COL7A1: variants seen among roughly 807,000 people sequenced by gnomAD.
COL7A1 encodes the protein collagen alpha-1(VII) chain.
COL7A1 carries 296 observed loss-of-function variants against 456.2 expected under a neutral mutation model. That is an observed-to-expected ratio of 0.65 (90% CI 0.59 to 0.71). COL7A1 has a LOEUF of 0.71. COL7A1 is among the 30% of genes least tolerant of loss of function. The probability of loss-of-function intolerance (pLI) is 0.00; values close to 1 mark genes in which losing one functional copy is unlikely to be tolerated. For missense variants in COL7A1, 3,441 were observed against 4,017.2 expected, an observed-to-expected ratio of 0.86 and a Z score of 3.88; for synonymous variants, 1,464 against 1,525.9, an observed-to-expected ratio of 0.96 and a Z score of 0.95.
rs1394890984 is a variant in COL7A1 at position 48,592,256 on chromosome 3, G to A, written c.1094-8C>T. On this transcript the variant is annotated splice_region_variant and splice_polypyrimidine_tract_variant and intron_variant, in intron 9 of 118. Coordinates refer to ENST00000681320, the MANE Select transcript of COL7A1 (RefSeq NM_000094.4). The surrounding 1 kb of genome is among the most constrained non-coding windows in gnomAD (Gnocchi z 7.6). ...GCTGCTGTGTGGGCCCACCTGCATGGGGGACACCAAGGGGCCAGTGGGCCT... is the reference window on the plus strand; with the variant it reads ...GCTGCTGTGTGGGCCCACCTGCATGAGGGACACCAAGGGGCCAGTGGGCCT... 1.2e-6 allele frequency: 2 copies of A among 1,613,634 alleles called. No individual in the cohort carries two copies. The highest frequency in any genetic ancestry group is 2.7e-5 in the African/African-American group (2 of 74,850).
At position 48,579,162 on chromosome 3, in the gene COL7A1, G is replaced by A. The variant is rs764118586; in HGVS notation, c.5388+35C>T. 6 of 1,609,446 alleles carry A rather than the reference G, an allele frequency of 3.7e-6. No individual in the cohort carries two copies. The South Asian group carries it at 6.6e-5, about 18-fold the overall frequency. On this transcript the variant is annotated intron_variant, in intron 62 of 118. Transcript: ENST00000681320. This position sits in a 1 kb window ranked among gnomAD's most constrained non-coding sequence, Gnocchi z 4.4. ...AGGGTCCTCATGTGAAGGGGTAGGG[G>A]AAGGGGACAACCAGGCAGGACTACC...
chr3:48,584,585 T>C, intron 35 of COL7A1, 29 bp from the exon 36 acceptor site: 1 of 1,613,896 alleles, frequency 6.2e-7, no homozygotes, highest in Admixed American at 1.7e-5. Context: ...GTGGGCAGGA[T>C]TCAGGCTATG....
Position 48,583,331 on chromosome 3 carries a change from C to G in COL7A1, c.4437+62G>C, listed in dbSNP as rs2044922948. The G allele has an allele frequency of 6.2e-7, 1 of 1,612,874 alleles. No individual in the cohort carries two copies. Among genetic ancestry groups the G allele is most frequent in the South Asian group, 1.1e-5 (1 of 91,020 alleles). On this transcript the variant is annotated intron_variant, in intron 42 of 118. Transcript: ENST00000681320. The surrounding 1 kb of genome is among the most constrained non-coding windows in gnomAD (Gnocchi z 5.1). ...TTATCTCCTTATCTTCCAGCCTCCC[C>G]TAACACCATGGGGAGCCCAGAGTAG...
Position 48,569,849 on chromosome 3 carries a change from A to AC in COL7A1, c.7521+30dup. 6.2e-7 allele frequency: 1 copy of AC among 1,613,624 alleles called. No individual in the cohort carries two copies. The highest frequency in any genetic ancestry group is 1.1e-5 in the South Asian group (1 of 91,056). ...TCATACAAGATCCACTCACCCCCCC[A>AC]CTCATGCCAGGACCTTCCCCACGTT... is the stretch of plus-strand genomic sequence containing the variant. On this transcript the variant is annotated intron_variant, in intron 100 of 118. Coordinates refer to ENST00000681320, the MANE Select transcript of COL7A1 (RefSeq NM_000094.4). The surrounding 1 kb of genome is among the most constrained non-coding windows in gnomAD (Gnocchi z 4.9).
rs1483179702 is a variant in COL7A1, at chr3:48,575,117, C to T, written c.6226G>A (p.Gly2076Ser). The T allele has an allele frequency of 6.2e-7, 1 of 1,613,580 alleles. No individual in the cohort carries two copies. Among genetic ancestry groups the T allele is most frequent in the Non-Finnish European group, 8.5e-7 (1 of 1,179,850 alleles). ...KGERGEQGRD[G>S]PPGLPGTPGP... Reference sequence around the variant, plus strand: ...GGGGTTCCAGGGAGTCCAGGAGGGCCATCTCTGCCCTGCAGGAAACAAGAA... The same window carrying T: ...GGGGTTCCAGGGAGTCCAGGAGGGCTATCTCTGCCCTGCAGGAAACAAGAA... The change falls in exon 76 of 119, where the codon GGC (glycine) becomes AGC (serine). Residue 2076 changes from glycine (G) to serine (S), a missense_variant. Coordinates refer to ENST00000681320, the MANE Select transcript of COL7A1 (RefSeq NM_000094.4). The surrounding 1 kb of genome is among the most constrained non-coding windows in gnomAD (Gnocchi z 6.3).
At position 48,567,548 on chromosome 3, in the gene COL7A1, A is replaced by T; in HGVS notation, c.8046+26T>A. The T allele has an allele frequency of 6.2e-7, 1 of 1,613,982 alleles. No homozygotes were observed. The highest frequency in any genetic ancestry group is 8.5e-7 in the Non-Finnish European group (1 of 1,179,948). Reference sequence around the variant, plus strand: ...CCCTGCCCCATCCTGACTCCCTGTCATGTCCACTGTCCACAGACCCTGTAC... The same window carrying T: ...CCCTGCCCCATCCTGACTCCCTGTCTTGTCCACTGTCCACAGACCCTGTAC... On this transcript the variant is annotated intron_variant, in intron 109 of 118. Transcript: ENST00000681320. The surrounding 1 kb of genome is among the most constrained non-coding windows in gnomAD (Gnocchi z 4.3).
intron 17 of COL7A1, 61 bp downstream of exon 17, chr3:48,589,538 C>G: frequency 2.5e-6 from 4 of 1,612,468 alleles, no homozygotes; most frequent in Non-Finnish European, 3.4e-6. Flanking sequence ...ACCTGGACCC[C>G]CAATAAACCC....
chr3:48,568,241 T>C lies in COL7A1; in HGVS notation c.7795-71A>G. On this transcript the variant is annotated intron_variant, in intron 105 of 118. Coordinates refer to ENST00000681320, the MANE Select transcript of COL7A1 (RefSeq NM_000094.4). This position sits in a 1 kb window ranked among gnomAD's most constrained non-coding sequence, Gnocchi z 5.2. ...GACCAAAGAGAATCGCCCTGGATAG[T>C]GGGTAGGGAACACCATGGGGTGGGA... 3.2e-6 allele frequency: 5 copies of C among 1,545,724 alleles called. No individual in the cohort carries two copies. The South Asian group carries it at 5.6e-5, about 17-fold the overall frequency.
Position 48,587,773 on chromosome 3 carries a change from C to A in COL7A1, c.2857+20G>T. ...GGGTCATCAGCAGGGGAGGAGCACG[C>A]CAAGGTGAGGCAGGCTTACCAGTGC... On this transcript the variant is annotated intron_variant, in intron 22 of 118. Transcript: ENST00000681320. The surrounding 1 kb of genome is among the most constrained non-coding windows in gnomAD (Gnocchi z 6.1). 1 of 1,613,440 alleles carries A rather than the reference C, an allele frequency of 6.2e-7. No homozygotes were observed.
intron 18 of COL7A1, 152 bp downstream of exon 18, chr3:48,589,175 A>T: frequency 6.9e-7 from 1 of 1,450,790 alleles, no homozygotes; most frequent in Non-Finnish European, 9.5e-7. Flanking sequence ...CCAGGAGGTC[A>T]CCGTGGGTGG....
rs757772499 is a variant in COL7A1 at position 48,593,312 on chromosome 3, G to A, written c.520+44C>T. On this transcript the variant is annotated intron_variant, in intron 5 of 118. Transcript: ENST00000681320. This position sits in a 1 kb window ranked among gnomAD's most constrained non-coding sequence, Gnocchi z 4.4. Reference sequence around the variant, plus strand: ...TCAGTCACCCACATGCTCTCTGACTGCCCCCACCCCCCAGCTGACCTGTCA... The same window carrying A: ...TCAGTCACCCACATGCTCTCTGACTACCCCCACCCCCCAGCTGACCTGTCA... 3 of 1,613,850 alleles carry A rather than the reference G, an allele frequency of 1.9e-6. No individual in the cohort carries two copies. In the East Asian group the frequency reaches 6.7e-5, roughly 36 times the overall value.
Position 48,569,280 on chromosome 3 carries a change from G to T in COL7A1, c.7686+95C>A. ...ACCCCTTCCCCCTAAACCCCAGAAA[G>T]CCTCCTCCTGTCCTCCCCTCCTGCC... On this transcript the variant is annotated intron_variant, in intron 103 of 118. Transcript: ENST00000681320. The surrounding 1 kb of genome is among the most constrained non-coding windows in gnomAD (Gnocchi z 4.9). 2.1e-6 allele frequency: 3 copies of T among 1,460,902 alleles called. No homozygotes were observed. Among genetic ancestry groups the T allele is most frequent in the East Asian group, 4.5e-5 (2 of 44,088 alleles). The allele number at this position is 1,460,902 out of a possible 1,614,324, so 90.5% of individuals were successfully genotyped here.
rs779875751 is a variant in COL7A1 at position 48,571,996 on chromosome 3, C to T, written c.7068+5G>A. 17 of 1,612,260 alleles carry T rather than the reference C, an allele frequency of 1.1e-5. No homozygotes were observed. The highest frequency in any genetic ancestry group is 1.4e-5 in the Non-Finnish European group (17 of 1,179,390). On this transcript the variant is annotated splice_donor_5th_base_variant and intron_variant, in intron 92 of 118. Coordinates refer to ENST00000681320, the MANE Select transcript of COL7A1 (RefSeq NM_000094.4). This position sits in a 1 kb window ranked among gnomAD's most constrained non-coding sequence, Gnocchi z 4.6. ...GGCTCGCCCTTGCCTAGGCCCCGGA[C>T]TCACATCTTCCCCAGGGTCTCCGGG...
In COL7A1 at chr3:48,582,193, G is replaced by A. The variant is rs1036208365; in HGVS notation, c.4635+130C>T. On this transcript the variant is annotated intron_variant, in intron 47 of 118. Transcript: ENST00000681320. ...AGTCTGGGGGCAGGTTCTAGCAGAA[G>A]GAGAGCCGCAGAGCTCCCAGCCTGC... 7 of 1,535,526 alleles carry A rather than the reference G, an allele frequency of 4.6e-6. No homozygotes were observed. In the African/African-American group the frequency reaches 8.2e-5, roughly 18 times the overall value.
At position 48,583,388 on chromosome 3, in the gene COL7A1, C is replaced by T. The variant is rs886058639; in HGVS notation, c.4437+5G>A. 1 of 1,614,126 alleles carries T rather than the reference C, an allele frequency of 6.2e-7. No homozygotes were observed. The highest frequency in any genetic ancestry group is 8.5e-7 in the Non-Finnish European group (1 of 1,179,974). On this transcript the variant is annotated splice_donor_5th_base_variant and intron_variant, in intron 42 of 118. Transcript: ENST00000681320. The surrounding 1 kb of genome is among the most constrained non-coding windows in gnomAD (Gnocchi z 5.1). ...TCACACCTGAATCCCCCAACTGGTA[C>T]TCACTTTGGGGCCAATAGCTCCAGG... is the stretch of plus-strand genomic sequence containing the variant.
intron 65 of COL7A1, 52 bp from the exon 66 acceptor site, chr3:48,577,079 A>C: frequency 6.2e-7 from 1 of 1,601,860 alleles, no homozygotes; most frequent in Non-Finnish European, 8.6e-7. Context: ...GTCTGGCTGC[A>C]AGACACTACC....
In COL7A1 at chr3:48,571,790, G is replaced by C; in HGVS notation, c.7068+211C>G. The C allele has an allele frequency of 1.5e-6, 1 of 653,286 alleles. No individual in the cohort carries two copies. The highest frequency in any genetic ancestry group is 2.7e-6 in the Non-Finnish European group (1 of 366,548). The allele number at this position is 653,286 out of a possible 1,614,324, so 40.5% of individuals were successfully genotyped here. On this transcript the variant is annotated intron_variant, in intron 92 of 118. Coordinates refer to ENST00000681320, the MANE Select transcript of COL7A1 (RefSeq NM_000094.4). The surrounding 1 kb of genome is among the most constrained non-coding windows in gnomAD (Gnocchi z 4.6). Reference sequence around the variant, plus strand: ...GTGGTGAGAAACAGACCAAGGATGGGCACACAGAAGCCAAGACAGGGCCCC... The same window carrying C: ...GTGGTGAGAAACAGACCAAGGATGGCCACACAGAAGCCAAGACAGGGCCCC...
chr3:48,588,450 C>T lies in COL7A1; in HGVS notation c.2588-46G>A, dbSNP rs761015877. On this transcript the variant is annotated intron_variant, in intron 20 of 118. Transcript: ENST00000681320. The surrounding 1 kb of genome is among the most constrained non-coding windows in gnomAD (Gnocchi z 4.6). ...TCAGGGAGGCTCTGCCCCCATGGCC[C>T]CTGCACCAATCCCAGGCCCACCCTG... The T allele has an allele frequency of 8.1e-6, 13 of 1,600,188 alleles. No individual in the cohort carries two copies. The highest frequency in any genetic ancestry group is 9.3e-6 in the Non-Finnish European group (11 of 1,178,308).
At position 48,592,574 on chromosome 3, in the gene COL7A1, C is replaced by T; in HGVS notation, c.972G>A (p.Arg324=). 1 of 1,613,884 alleles carries T rather than the reference C, an allele frequency of 6.2e-7. No individual in the cohort carries two copies. The highest frequency in any genetic ancestry group is 2.2e-5 in the East Asian group (1 of 44,852). Residue 324 remains arginine (R), a synonymous_variant, in exon 8 of 119, where the codon CGG becomes CGA. Coordinates refer to ENST00000681320, the MANE Select transcript of COL7A1 (RefSeq NM_000094.4). The surrounding 1 kb of genome is among the most constrained non-coding windows in gnomAD (Gnocchi z 7.6). ...SIGEAVSGTA[R]TTALEGPELT... is the part of the protein sequence containing the mutation. ...GAGGCTGGCAGAATTGCTCACTGGTCCGAGCTGTCCCGCTCACAGCCTCCC... is the reference window on the plus strand; with the variant it reads ...GAGGCTGGCAGAATTGCTCACTGGTTCGAGCTGTCCCGCTCACAGCCTCCC...
Sources: gnomAD v4.1 joint callset for allele counts on GRCh38, gnomAD v4.1.1 for gene constraint, Gnocchi (gnomAD v3.1) non-coding constraint, MANE v1.5 for transcripts, NCBI Gene and HGNC (gene_info 2026-07-23, HGNC 2026-07-21) for gene names.